Variants in KCNIP1 observed in about 807,000 individuals in gnomAD.
KCNIP1 encodes A-type potassium channel modulatory protein KCNIP1.
A neutral mutation model predicts 33.0 loss-of-function variants in KCNIP1; 18 were observed. The ratio of observed to expected loss-of-function variants is 0.55; its 90% confidence interval spans 0.38 to 0.81. The LOEUF is 0.81. KCNIP1 is among the 30% of genes least tolerant of loss of function. The pLI is 0.00. For synonymous variants in KCNIP1, 93 were observed against 98.3 expected (o/e 0.95, Z 0.32); for missense variants, 238 against 271.6 (o/e 0.88, Z 0.87).
intron 1 of KCNIP1, among the ~76,000 whole-genome samples, chr5:170,646,676 C>A (rs545108991): frequency 1.1e-4 from 17 of 152,162 alleles, no homozygotes; most frequent in Non-Finnish European, 2.5e-4. Flanking sequence ...TACTAAGGTA[C>A]AAGGCAAGGA....
intron 1 of KCNIP1, among the ~76,000 whole-genome samples, chr5:170,646,914 T>C (rs575959219): frequency 1.8e-4 from 27 of 152,172 alleles, no homozygotes; most frequent in Non-Finnish European, 3.2e-4. Flanking sequence ...ATAAGGTTAA[T>C]ATACAAAAGT....
chr5:170,577,945 A>C (rs1412923978), intron 1 of KCNIP1, among the ~76,000 whole-genome samples: 1 of 152,150 alleles, frequency 6.6e-6, no homozygotes, highest in African/African-American at 2.4e-5. Context: ...AATTTTTTAC[A>C]ATTTTTTGCT....
chr5:170,542,600 A>C (rs1476568692), intron 1 of KCNIP1, among the ~76,000 whole-genome samples: 29 of 152,162 alleles, frequency 1.9e-4, no homozygotes, highest in Admixed American at 1.9e-3. Context: ...GATATATTCC[A>C]AGACCCCCCG....
At chr5:170,625,218 C>A (rs1008465424) in intron 1 of KCNIP1, among the ~76,000 whole-genome samples, 5 of 152,152 alleles carry the variant, frequency 3.3e-5, no homozygotes. Context: ...AAGTCACAAA[C>A]CCTTGTGCTC....
In KCNIP1 at chr5:170,661,644, G is replaced by T. The variant is rs572870709; in HGVS notation, c.62-57114G>T. Among the ~76,000 whole-genome samples, 12 of 152,230 alleles carry T rather than the reference G, an allele frequency of 7.9e-5. No homozygotes were observed. The South Asian group carries it at 2.1e-3, about 26-fold the overall frequency. ...ATCTCCAGGATAGCAAAGGAGCTGA[G>T]GCCAAAAAGACACATGGGCTACTGC... On this transcript the variant is annotated intron_variant, in intron 1 of 7. Transcript: ENST00000328939.
chr5:170,556,424 C>G, intron 1 of KCNIP1, among the ~76,000 whole-genome samples: 1 of 152,228 alleles, frequency 6.6e-6, no homozygotes, highest in East Asian at 1.9e-4. Context: ...ACTGTGTGCC[C>G]TTTGGCCCAG....
chr5:170,358,373 G>A lies in KCNIP1; in HGVS notation c.88+4409G>A, dbSNP rs112840317. On this transcript the variant is annotated intron_variant, in intron 1 of 7. Coordinates refer to the KCNIP1 transcript ENST00000377360. Reference sequence around the variant, plus strand: ...AGGCCCAGGCTGTTCCTCTTTTTTCGAGGCAAAACCTCAGCTGCCCCATCA... The same window carrying A: ...AGGCCCAGGCTGTTCCTCTTTTTTCAAGGCAAAACCTCAGCTGCCCCATCA... 5.9e-5 allele frequency among the ~76,000 whole-genome samples: 9 copies of A among 151,992 alleles called. 1 individual carries two copies. Among genetic ancestry groups the A allele is most frequent in the African/African-American group, 2.2e-4 (9 of 41,444 alleles).
intron 1 of KCNIP1, among the ~76,000 whole-genome samples, chr5:170,668,411 A>G (rs35883638): frequency 0.44 from 67,656 of 152,090 alleles, 15,421 homozygotes; most frequent in East Asian, 0.62. Context: ...GTTCTGCTGT[A>G]TGACACAGGA....
chr5:170,678,901 A>C (rs1448241138), intron 1 of KCNIP1: 1 of 152,254 alleles, frequency 6.6e-6, no homozygotes, highest in East Asian at 1.9e-4. Context: ...AGCTAAGATA[A>C]GCCAAGAGAA....
At chr5:170,554,349 A>G (rs1756766598) in intron 1 of KCNIP1, among the ~76,000 whole-genome samples, 1 of 152,194 alleles carries the variant, frequency 6.6e-6, no homozygotes, top group African/African-American at 2.4e-5. Context: ...GCTTATCCGG[A>G]TTCGAGACTT....
chr5:170,494,777 C>A (rs1211912375), intron 1 of KCNIP1, among the ~76,000 whole-genome samples: 1 of 152,202 alleles, frequency 6.6e-6, no homozygotes, highest in Non-Finnish European at 1.5e-5. Context: ...TCTTTCTCTT[C>A]CCTCCACTGC....
In KCNIP1 at chr5:170,489,178, G is replaced by A. The variant is rs1411343874; in HGVS notation, c.88+135214G>A. Among the ~76,000 whole-genome samples, 3 of 152,218 alleles carry A rather than the reference G, an allele frequency of 2.0e-5. No individual in the cohort carries two copies. The highest frequency in any genetic ancestry group is 2.1e-4 in the South Asian group (1 of 4,832). Reference sequence around the variant, plus strand: ...GATGGAGCAGCCTGGGAGGCTGCAGGCACTGAAGGAAGAGGTAGGGGACGA... The same window carrying A: ...GATGGAGCAGCCTGGGAGGCTGCAGACACTGAAGGAAGAGGTAGGGGACGA... On this transcript the variant is annotated intron_variant, in intron 1 of 7. Coordinates refer to the KCNIP1 transcript ENST00000377360. The surrounding 1 kb of genome is among the most constrained non-coding windows in gnomAD (Gnocchi z 4.3).
chr5:170,464,867 C>A lies in KCNIP1; in HGVS notation c.88+110903C>A, dbSNP rs143416442. Among the ~76,000 whole-genome samples, 196 of 152,322 alleles carry A rather than the reference C, an allele frequency of 1.3e-3. 1 individual carries two copies. The highest frequency in any genetic ancestry group is 6.8e-3 in the Middle Eastern group (2 of 294). ...GACAGGGCGTGTTGTGCCTCATCCA[C>A]ATTTCTGAAAGTGTCCACTCAGTGG... On this transcript the variant is annotated intron_variant, in intron 1 of 7. Coordinates refer to the KCNIP1 transcript ENST00000377360.
chr5:170,715,309 C>T (rs1334406828), intron 1 of KCNIP1, among the ~76,000 whole-genome samples: 1 of 152,180 alleles, frequency 6.6e-6, no homozygotes, highest in Non-Finnish European at 1.5e-5. Context: ...ACAAAACTGC[C>T]TAACAACACA....
At chr5:170,376,975 C>T (rs1481070539) in intron 1 of KCNIP1, 1 of 152,160 alleles carries the variant, frequency 6.6e-6, no homozygotes. Flanking sequence ...TCCCAACTAT[C>T]CAGAAAGAGT....
At chr5:170,404,861 AT>A (rs1754995624) in intron 1 of KCNIP1, among the ~76,000 whole-genome samples, 1 of 152,186 alleles carries the variant, frequency 6.6e-6, no homozygotes, top group Admixed American at 6.5e-5. Flanking sequence ...TTATCGCATT[AT>A]GATTTTTTCC....
chr5:170,398,933 G>A (rs932274257), intron 1 of KCNIP1, among the ~76,000 whole-genome samples: 1 of 152,216 alleles, frequency 6.6e-6, no homozygotes, highest in African/African-American at 2.4e-5. Context: ...TGGATTCTTG[G>A]ATCTCACGCA....
chr5:170,424,828 C>T (rs896005296), intron 1 of KCNIP1, among the ~76,000 whole-genome samples: 5 of 152,246 alleles, frequency 3.3e-5, no homozygotes, highest in African/African-American at 1.2e-4. Flanking sequence ...CCCACCATGG[C>T]CCTCAAGGCC....
chr5:170,669,103 A>G (rs1022956076), intron 1 of KCNIP1, among the ~76,000 whole-genome samples: 10 of 152,192 alleles, frequency 6.6e-5, no homozygotes, highest in Admixed American at 6.5e-5. Flanking sequence ...TGGTGTGAAT[A>G]AAGGGACTGG....
Sources: allele counts gnomAD v4.1 joint callset (sites outside exome capture counted in the v4.1 genomes callset), GRCh38; gene constraint gnomAD v4.1.1; non-coding constraint Gnocchi (gnomAD v3.1); transcripts MANE v1.5; gene names NCBI Gene and HGNC (gene_info 2026-07-23, HGNC 2026-07-21).